CSGALNACT1: variants seen among roughly 807,000 people sequenced by gnomAD.
The protein encoded by CSGALNACT1 is beta4GalNAcT-1.
Under a neutral mutation model 51.0 loss-of-function variants are expected in CSGALNACT1, and 52 were observed. The ratio of observed to expected loss-of-function variants is 1.02; its 90% CI spans 0.82 to 1.29. The LOEUF is 1.29. Among genes scored for constraint, CSGALNACT1 ranks in the 50% most tolerant of loss-of-function variants. The probability of loss-of-function intolerance (pLI) is 0.00; values close to 1 mark genes in which losing one functional copy is unlikely to be tolerated. For missense variants in CSGALNACT1, 935 were observed against 679.2 expected (o/e 1.38, Z -4.19); for synonymous variants, 341 against 254.4 (o/e 1.34, Z -3.24).
intron 5 of CSGALNACT1, among the ~76,000 whole-genome samples, chr8:19,443,371 G>C (rs2061628892): frequency 6.6e-6 from 1 of 152,156 alleles, no homozygotes; most frequent in Non-Finnish European, 1.5e-5. Flanking sequence ...ATGTACACAT[G>C]TGTACAGTTT....
chr8:19,456,624 T>G (rs1401020136), intron 5 of CSGALNACT1, among the ~76,000 whole-genome samples: 1 of 152,116 alleles, frequency 6.6e-6, no homozygotes, highest in East Asian at 1.9e-4. Context: ...TAAAAGAAGG[T>G]TGAAAGAAGC....
At chr8:19,505,725 T>A (rs1199359290) in exon 4 of CSGALNACT1, 1 of 1,613,994 alleles carries the variant, frequency 6.2e-7, no homozygotes, top group Non-Finnish European at 8.5e-7. Flanking sequence ...CTCGTCACCT[T>A]TTGGGGTGCA....
intron 3 of CSGALNACT1, among the ~76,000 whole-genome samples, chr8:19,581,599 C>T (rs2045584660): frequency 6.6e-6 from 1 of 151,564 alleles, no homozygotes; most frequent in South Asian, 2.1e-4. Flanking sequence ...GAGTGAGACT[C>T]TGTCTAAAAA....
rs41479746 is a variant in CSGALNACT1, at chr8:19,451,899, T to C, written c.851+6527A>G. On this transcript the variant is annotated intron_variant, in intron 5 of 9. Transcript: ENST00000454498. ...TACAGAAGATACTAAAGCTGAGATA[T>C]ATGAAGCAACACATAAAAGATTCCT... Among the ~76,000 whole-genome samples, 1,462 of 152,312 alleles carry C rather than the reference T, an allele frequency of 9.6e-3. 28 individuals carry two copies. Among genetic ancestry groups the C allele is most frequent in the African/African-American group, 0.034 (1,413 of 41,570 alleles).
intron 3 of CSGALNACT1, among the ~76,000 whole-genome samples, chr8:19,553,838 C>T (rs1490878474): frequency 1.3e-5 from 2 of 151,022 alleles, no homozygotes; most frequent in Non-Finnish European, 2.9e-5. Context: ...GAAAACATTG[C>T]ATTGACAAAA....
At chr8:19,470,035 G>T (rs77154841) in intron 4 of CSGALNACT1, among the ~76,000 whole-genome samples, 16,365 of 152,088 alleles carry the variant, frequency 0.11, 1,075 homozygotes, top group Middle Eastern at 0.21. Flanking sequence ...AAAAATATTG[G>T]AAAAAGCAAC....
At chr8:19,408,852 C>G (rs995452783) in intron 8 of CSGALNACT1, among the ~76,000 whole-genome samples, 158 bp from the exon 8 acceptor site, 1 of 151,882 alleles carries the variant, frequency 6.6e-6, no homozygotes, top group Non-Finnish European at 1.5e-5. Flanking sequence ...TGAGTCCTTG[C>G]AGACAGTCAG....
intron 1 of CSGALNACT1, among the ~76,000 whole-genome samples, chr8:19,698,945 C>G (rs1352355171): frequency 1.3e-5 from 2 of 152,182 alleles, no homozygotes; most frequent in Non-Finnish European, 2.9e-5. Context: ...TAGGAACATC[C>G]TCCCTTATTT....
chr8:19,692,142 C>T (rs547070855), intron 1 of CSGALNACT1, among the ~76,000 whole-genome samples: 10 of 152,226 alleles, frequency 6.6e-5, no homozygotes, highest in South Asian at 2.1e-4. Flanking sequence ...ATGGAGGAAC[C>T]GCCCCCATGA....
chr8:19,600,503 A>C (rs571501046), intron 2 of CSGALNACT1, among the ~76,000 whole-genome samples: 1 of 152,296 alleles, frequency 6.6e-6, no homozygotes, highest in South Asian at 2.1e-4. Flanking sequence ...AGTAATTCTC[A>C]AAAACATTAA....
intron 3 of CSGALNACT1, among the ~76,000 whole-genome samples, chr8:19,519,440 T>C (rs1204412756): frequency 6.6e-6 from 1 of 152,100 alleles, no homozygotes; most frequent in African/African-American, 2.4e-5. Context: ...CTTTTCAATA[T>C]ACAGAGAATT....
chr8:19,755,456 C>CAAAAAAAGAAAAAAAAAA (rs2065300008), intron 1 of CSGALNACT1, among the ~76,000 whole-genome samples: 2 of 74,532 alleles, frequency 2.7e-5, no homozygotes, highest in Non-Finnish European at 5.0e-5. Flanking sequence ...TAAAGAAAGA[C>CAAAAAAAGAAAAAAAAAA]AAAAAAAAAA....
intron 1 of CSGALNACT1, among the ~76,000 whole-genome samples, chr8:19,751,884 G>A (rs1189492201): frequency 1.3e-5 from 2 of 151,936 alleles, no homozygotes; most frequent in African/African-American, 2.4e-5. Flanking sequence ...GCAACCTTTG[G>A]AACTGTGAGT....
At chr8:19,519,767 G>A (rs1400252583) in intron 3 of CSGALNACT1, among the ~76,000 whole-genome samples, 1 of 152,166 alleles carries the variant, frequency 6.6e-6, no homozygotes, top group Non-Finnish European at 1.5e-5. Context: ...TCACCTAATG[G>A]CTGCTGTATG....
chr8:19,684,583 T>G (rs1453942165), upstream of CSGALNACT1, among the ~76,000 whole-genome samples: 1 of 152,060 alleles, frequency 6.6e-6, no homozygotes, highest in Non-Finnish European at 1.5e-5. Flanking sequence ...CTCACTCCCC[T>G]GGGACCCAGG....
At chr8:19,650,583 A>G (rs1347550373) in intron 1 of CSGALNACT1, among the ~76,000 whole-genome samples, 1 of 152,216 alleles carries the variant, frequency 6.6e-6, no homozygotes, top group African/African-American at 2.4e-5. Context: ...GACGGGGTCA[A>G]CGTGGTCCTG....
At chr8:19,658,702 C>A (rs2058506202) in intron 1 of CSGALNACT1, among the ~76,000 whole-genome samples, 1 of 152,118 alleles carries the variant, frequency 6.6e-6, no homozygotes, top group Admixed American at 6.5e-5. Flanking sequence ...ACACTGCACT[C>A]CAGCCTGGGT....
intron 3 of CSGALNACT1, among the ~76,000 whole-genome samples, chr8:19,517,145 A>T (rs974886723): frequency 6.6e-6 from 1 of 152,214 alleles, no homozygotes; most frequent in Admixed American, 6.5e-5. Flanking sequence ...TCTTTGAAAG[A>T]AGAAAAAGAG....
chr8:19,666,481 G>A (rs13265244), intron 1 of CSGALNACT1, among the ~76,000 whole-genome samples: 2 of 151,848 alleles, frequency 1.3e-5, no homozygotes, highest in African/African-American at 2.4e-5. Context: ...AATCACTTCA[G>A]GTCAGGAGTT....
Sources: allele counts gnomAD v4.1 joint callset (sites outside exome capture counted in the v4.1 genomes callset), GRCh38; gene constraint gnomAD v4.1.1; transcripts MANE v1.5; gene names NCBI Gene and HGNC (gene_info 2026-07-23, HGNC 2026-07-21).